The following TSHZ3 variants were observed in gnomAD, a reference collection of about 807,000 sequenced individuals.
TSHZ3 encodes the protein teashirt zinc finger homeobox 3, also known as teashirt homolog 3.
TSHZ3 carries 10 observed loss-of-function variants against 64.5 expected under a neutral mutation model. The ratio of observed to expected loss-of-function variants is 0.16; its 90% CI spans 0.10 to 0.26. TSHZ3 has a LOEUF of 0.26. Ranked by LOEUF, TSHZ3 falls within the 10% of genes least tolerant of loss-of-function variation. The probability of loss-of-function intolerance (pLI) is 1.00; values close to 1 mark genes in which losing one functional copy is unlikely to be tolerated. For synonymous variants in TSHZ3, 608 were observed against 593.1 expected (o/e 1.03, Z -0.36); for missense variants, 1,242 against 1,421.7 (o/e 0.87, Z 2.03).
At chr19:31,290,827 G>A (rs113747187) in intron 1 of TSHZ3, among the ~76,000 whole-genome samples, 2,188 of 152,246 alleles carry the variant, frequency 0.014, 59 homozygotes, top group African/African-American at 0.051. Context: ...CAGCTGTAAT[G>A]GCCAGGACTT....
intron 1 of TSHZ3, among the ~76,000 whole-genome samples, chr19:31,313,985 G>T (rs1282965274): frequency 1.3e-5 from 2 of 152,182 alleles, no homozygotes; most frequent in African/African-American, 4.8e-5. Flanking sequence ...GGTAATGACG[G>T]TGAGCCTTTC....
intron 1 of TSHZ3, among the ~76,000 whole-genome samples, chr19:31,346,843 GTTT>G (rs550322247): frequency 6.9e-6 from 1 of 145,688 alleles, no homozygotes; most frequent in Non-Finnish European, 1.5e-5. Flanking sequence ...TAAATGTGGA[GTTT>G]TTTTTTTTTC....
intron 1 of TSHZ3, among the ~76,000 whole-genome samples, chr19:31,313,746 A>T (rs1179099117): frequency 6.6e-6 from 1 of 152,174 alleles, no homozygotes; most frequent in Non-Finnish European, 1.5e-5. Flanking sequence ...GGATCCTGGG[A>T]CTTGAAGGAT....
At chr19:31,289,294 G>A (rs568371109) in intron 1 of TSHZ3, among the ~76,000 whole-genome samples, 5 of 152,258 alleles carry the variant, frequency 3.3e-5, no homozygotes, top group Admixed American at 6.5e-5. Flanking sequence ...AGGAGGAGGT[G>A]GGGGGACAAG....
At chr19:31,252,455 T>C (rs887473320) in intron 1 of TSHZ3, among the ~76,000 whole-genome samples, 15 of 152,206 alleles carry the variant, frequency 9.9e-5, no homozygotes, top group African/African-American at 3.1e-4. Flanking sequence ...TTTGGCTCCA[T>C]GTCCCTAACC....
At chr19:31,338,581 C>CTTTTTTTTTTTTT (rs34643581) in intron 1 of TSHZ3, among the ~76,000 whole-genome samples, 3 of 119,100 alleles carry the variant, frequency 2.5e-5, no homozygotes, top group Admixed American at 8.8e-5. Context: ...TTTTTTTTTT[C>CTTTTTTTTTTTTT]TTTTTTTTTT....
Position 31,279,744 on chromosome 19 carries a change from A to C in TSHZ3, c.49T>G (p.Ser17Ala). The C allele has an allele frequency of 6.7e-7, 1 of 1,496,210 alleles. No individual in the cohort carries two copies. Among genetic ancestry groups the C allele is most frequent in the Non-Finnish European group, 8.9e-7 (1 of 1,122,504 alleles). 92.7% of individuals were successfully genotyped at this position (1,496,210 alleles called of 1,614,324 possible). A position where few individuals can be genotyped will look rare whatever the true frequency, so the allele number is the denominator to read the frequency against. The stretch of plus-strand genomic sequence containing the variant: ...AGGGCAGCAGCCTTTAACTCTTCGG[A>C]AACATAGGCTGCCATGATAACAGGT... The part of the protein sequence containing the change: ...QAPRRAAAYV[S>A]EELKAAALVD... The change falls in exon 2 of 2, where the codon TCC becomes GCC. Residue 17 changes from serine to alanine, a missense_variant. This residue lies in a region of TSHZ3 where 555 missense variants were observed against 704.0 expected (regional missense o/e 0.79). Coordinates refer to ENST00000240587, the MANE Select transcript of TSHZ3 (RefSeq NM_020856.4). This position sits in a 1 kb window ranked among gnomAD's most constrained non-coding sequence, Gnocchi z 6.4.
rs1568367610 is a variant in TSHZ3, at chr19:31,279,255, A to T, written c.538T>A (p.Ser180Thr). The T allele has an allele frequency of 1.2e-6, 2 of 1,614,058 alleles. No individual in the cohort carries two copies. Among genetic ancestry groups the T allele is most frequent in the Non-Finnish European group, 1.7e-6 (2 of 1,179,998 alleles). ...SAMAKTLQQVSQSRMLPEPSL... is the reference protein window; with the variant it reads ...SAMAKTLQQVTQSRMLPEPSL... ...GGCTCCGGGAGCATGCGGCTCTGTG[A>T]CACCTGCTGCAGCGTCTTAGCCATG... The change falls in exon 2 of 2, where the codon TCA becomes ACA. Residue 180 changes from serine (S) to threonine (T), a missense_variant. By Grantham distance (58) the Ser-to-Thr change is moderately conservative. Coordinates refer to ENST00000240587, the MANE Select transcript of TSHZ3 (RefSeq NM_020856.4). The surrounding 1 kb of genome is among the most constrained non-coding windows in gnomAD (Gnocchi z 6.4).
chr19:31,281,230 C>A (rs955052173), intron 1 of TSHZ3, among the ~76,000 whole-genome samples: 8 of 152,058 alleles, frequency 5.3e-5, no homozygotes, highest in Admixed American at 5.2e-4. Flanking sequence ...AAACCAACAA[C>A]AACAATAAAC....
chr19:31,331,206 C>T (rs758827429), intron 1 of TSHZ3, among the ~76,000 whole-genome samples: 3 of 152,162 alleles, frequency 2.0e-5, no homozygotes, highest in Non-Finnish European at 4.4e-5. Context: ...GACAGAGCGA[C>T]ACCAGGCCTT....
At chr19:31,255,273 C>T (rs960490465) in intron 1 of TSHZ3, among the ~76,000 whole-genome samples, 2 of 152,098 alleles carry the variant, frequency 1.3e-5, no homozygotes, top group Non-Finnish European at 2.9e-5. Flanking sequence ...TGAGGACGGG[C>T]TCTGCTTGCT....
At chr19:31,258,917 T>C (rs1209891394) in intron 1 of TSHZ3, among the ~76,000 whole-genome samples, 1 of 152,148 alleles carries the variant, frequency 6.6e-6, no homozygotes, top group African/African-American at 2.4e-5. Context: ...ACAGTGTGAG[T>C]CCTCTGTGAG....
At chr19:31,311,422 T>G (rs1359734422) in intron 1 of TSHZ3, among the ~76,000 whole-genome samples, 1 of 152,212 alleles carries the variant, frequency 6.6e-6, no homozygotes, top group Non-Finnish European at 1.5e-5. Context: ...AGCTCTGGCC[T>G]GCCTCCTGTC....
chr19:31,197,930 T>C (rs892070173), intron 5 of TSHZ3, among the ~76,000 whole-genome samples: 3 of 152,084 alleles, frequency 2.0e-5, no homozygotes, highest in African/African-American at 7.2e-5. Context: ...CCAGGAAATA[T>C]TGTCTAACTC....
chr19:31,256,422 C>T (rs961865572), intron 1 of TSHZ3, among the ~76,000 whole-genome samples: 17 of 152,030 alleles, frequency 1.1e-4, no homozygotes, highest in Non-Finnish European at 1.9e-4. Context: ...CAGGCTGGGG[C>T]GAGACTCACC....
chr19:31,334,562 CA>C (rs1917187046), intron 1 of TSHZ3, among the ~76,000 whole-genome samples: 3 of 152,312 alleles, frequency 2.0e-5, no homozygotes, highest in African/African-American at 7.2e-5. Flanking sequence ...CAGGCAAAGC[CA>C]GCAGGGTGGG....
In TSHZ3 at chr19:31,245,763, G is replaced by A. The variant is rs1170464163; in HGVS notation, n.64-2888C>T. 5.3e-5 allele frequency among the ~76,000 whole-genome samples: 8 copies of A among 152,152 alleles called. No individual in the cohort carries two copies. In the East Asian group the frequency reaches 1.3e-3, roughly 26 times the overall value. ...CAAGAGTGCATTCCCTGCCTCTGAC[G>A]GAGTGGTAGGGGCTGTTACAACCCA... On this transcript the variant is annotated intron_variant and non_coding_transcript_variant, in intron 1 of 6. Coordinates refer to the TSHZ3 transcript ENST00000651361.
intron 1 of TSHZ3, among the ~76,000 whole-genome samples, chr19:31,256,794 C>G (rs533211729): frequency 1.3e-5 from 2 of 152,178 alleles, no homozygotes; most frequent in Admixed American, 1.3e-4. Context: ...GGCTGCAGCT[C>G]TCACTGAGGT....
At chr19:31,159,692 A>C (rs1974348453) in intron 5 of TSHZ3, among the ~76,000 whole-genome samples, 1 of 151,218 alleles carries the variant, frequency 6.6e-6, no homozygotes, top group African/African-American at 2.4e-5. Context: ...AGTGACTTTT[A>C]TTTTTTTTCT....
Sources: allele counts gnomAD v4.1 joint callset (sites outside exome capture counted in the v4.1 genomes callset), GRCh38; gene constraint gnomAD v4.1.1; regional missense constraint gnomAD v4.1.1; non-coding constraint Gnocchi (gnomAD v3.1); transcripts MANE v1.5; gene names NCBI Gene and HGNC (gene_info 2026-07-23, HGNC 2026-07-21).